The following WARS1 variants were observed in gnomAD, a reference collection of about 807,000 sequenced individuals.
The protein encoded by WARS1 is tryptophanyl-tRNA synthetase 1, also known as tryptophan--tRNA ligase, cytoplasmic.
A neutral mutation model predicts 47.8 loss-of-function variants in WARS1; 17 were observed. The observed-to-expected ratio is 0.36, with a 90% CI of 0.24 to 0.53. The LOEUF (loss-of-function observed/expected upper bound fraction) is 0.53, where lower values mean the gene tolerates loss of function less well. Among genes scored for constraint, WARS1 ranks in the 20% least tolerant of loss-of-function variants. The probability of loss-of-function intolerance (pLI) is 0.91; values close to 1 mark genes in which losing one functional copy is unlikely to be tolerated. For missense variants in WARS1, 434 were observed against 608.0 expected (o/e 0.71, Z 3.01); for synonymous variants, 208 against 228.1 (o/e 0.91, Z 0.79).
Position 100,345,545 on chromosome 14 carries a change from G to A in WARS1, c.826+1201C>T, listed in dbSNP as rs1894545434. Among the ~76,000 whole-genome samples, 3 of 151,708 alleles carry A rather than the reference G, an allele frequency of 2.0e-5. No individual in the cohort carries two copies. The South Asian group carries it at 6.2e-4, about 32-fold the overall frequency. ...ACTGCGGAAGGCCGCAGGGTCCTCT[G>A]CCTAGGAAAACCAGAGACCTTTGTT... On this transcript the variant is annotated intron_variant, in intron 7 of 10. Coordinates refer to ENST00000392882, the MANE Select transcript of WARS1 (RefSeq NM_004184.4).
At chr14:100,359,521 C>T (rs1319742165) in intron 4 of WARS1, among the ~76,000 whole-genome samples, 1 of 152,118 alleles carries the variant, frequency 6.6e-6, no homozygotes, top group Admixed American at 6.5e-5. Flanking sequence ...TGGGGGATGA[C>T]TGTTAACCCA....
chr14:100,357,468 T>C (rs1566855977), intron 4 of WARS1, among the ~76,000 whole-genome samples: 3 of 152,268 alleles, frequency 2.0e-5, no homozygotes, highest in Admixed American at 6.5e-5. Context: ...AATTGTATTT[T>C]TTTTTTTTTT....
intron 4 of WARS1, among the ~76,000 whole-genome samples, chr14:100,356,342 C>T (rs1895309115): frequency 7.2e-6 from 1 of 139,252 alleles, no homozygotes; most frequent in African/African-American, 2.6e-5. Flanking sequence ...ATGCTGACTA[C>T]AAACCAACAA....
intron 10 of WARS1, among the ~76,000 whole-genome samples, chr14:100,335,557 T>C (rs1893664150): frequency 6.6e-6 from 1 of 152,020 alleles, no homozygotes; most frequent in African/African-American, 2.4e-5. Context: ...TTTGTATTTT[T>C]AGTAGAGATG....
At chr14:100,361,952 A>G (rs1404457927) in intron 2 of WARS1, 31 bp from the exon 3 acceptor site, 1 of 1,607,670 alleles carries the variant, frequency 6.2e-7, no homozygotes, top group South Asian at 1.1e-5. Context: ...GATGGCTAAA[A>G]GTATTACTAA....
chr14:100,363,830 T>G (rs1277235914), intron 2 of WARS1, among the ~76,000 whole-genome samples: 1 of 152,186 alleles, frequency 6.6e-6, no homozygotes, highest in African/African-American at 2.4e-5. Flanking sequence ...TCTCACTATA[T>G]TATCCAGGCT....
At chr14:100,338,047 G>C (rs759368783) in intron 9 of WARS1, among the ~76,000 whole-genome samples, 1 of 152,116 alleles carries the variant, frequency 6.6e-6, no homozygotes, top group Non-Finnish European at 1.5e-5. Context: ...AAGGCAGTAA[G>C]GGAAGGCAAA....
chr14:100,364,361 G>A (rs1465951435), intron 2 of WARS1, among the ~76,000 whole-genome samples: 1 of 152,082 alleles, frequency 6.6e-6, no homozygotes, highest in Non-Finnish European at 1.5e-5. Flanking sequence ...TGAAGGATGT[G>A]GATCTTATTC....
chr14:100,361,836 C>G lies in WARS1; in HGVS notation c.185G>C (p.Cys62Ser). ...AAAGEDYKAD[C>S]PPGNPAPTSN... ...GGTAGGTGCTGGGTTCCCTGGAGGA[C>G]AGTCAGCCTTGTAATCCTCCCCCGC... The change falls in exon 3 of 11, where the codon TGT (cysteine) becomes TCT (serine). Residue 62 changes from cysteine to serine, a missense_variant. This residue lies in a region of WARS1 where 87 missense variants were observed against 84.2 expected (regional missense o/e 1.03). Transcript: ENST00000392882. 1 of 1,614,184 alleles carries G rather than the reference C, an allele frequency of 6.2e-7. No individual in the cohort carries two copies. Among genetic ancestry groups the G allele is most frequent in the Non-Finnish European group, 8.5e-7 (1 of 1,180,034 alleles).
chr14:100,376,290 G>C (rs1343397644), upstream of WARS1: 1 of 957,002 alleles, frequency 1.0e-6, no homozygotes, highest in Non-Finnish European at 1.4e-6. Flanking sequence ...AGCGCTCCCG[G>C]CTCAGCAACC....
At chr14:100,364,010 G>C (rs535056235) in intron 2 of WARS1, among the ~76,000 whole-genome samples, 27 of 152,286 alleles carry the variant, frequency 1.8e-4, no homozygotes, top group African/African-American at 6.3e-4. Context: ...CCTGGTGGGA[G>C]GAGTCATGGC....
intron 7 of WARS1, among the ~76,000 whole-genome samples, chr14:100,344,069 T>A (rs1595415589): frequency 6.6e-6 from 1 of 152,106 alleles, no homozygotes; most frequent in East Asian, 1.9e-4. Flanking sequence ...GCTTCCCTCT[T>A]CCCTCTTCCC....
intron 9 of WARS1, 76 bp from the exon 10 acceptor site, chr14:100,337,278 T>C (rs78582306): frequency 6.4e-7 from 1 of 1,574,692 alleles, no homozygotes; most frequent in African/African-American, 1.3e-5. Flanking sequence ...GAAGCCCAAG[T>C]GTGGAAGTCA....
intron 6 of WARS1, among the ~76,000 whole-genome samples, chr14:100,351,229 G>A (rs557442298): frequency 1.3e-5 from 2 of 152,310 alleles, no homozygotes; most frequent in Non-Finnish European, 2.9e-5. Context: ...AGCAGCTACT[G>A]GGCAATGCCA....
In WARS1 at chr14:100,346,372, G is replaced by A. The variant is rs1595423195; in HGVS notation, c.826+374C>T. Among the ~76,000 whole-genome samples the A allele has an allele frequency of 2.0e-5, 3 of 152,182 alleles. No individual in the cohort carries two copies. In the South Asian group the frequency reaches 6.2e-4, roughly 31 times the overall value. On this transcript the variant is annotated intron_variant, in intron 7 of 10. Transcript: ENST00000392882. ...CCTCTCATGGGCAGCAGACCCAGCT[G>A]TCCTTCTTCATCACCCCTGGGTTCC... is the stretch of plus-strand genomic sequence containing the variant.
intron 9 of WARS1, among the ~76,000 whole-genome samples, chr14:100,341,357 C>T (rs1214982322): frequency 1.1e-4 from 16 of 152,198 alleles, no homozygotes. Context: ...TTCAATTATA[C>T]CAGCTTCCAA....
chr14:100,371,725 ACT>A (rs1162734486), intron 1 of WARS1, among the ~76,000 whole-genome samples: 5 of 151,862 alleles, frequency 3.3e-5, no homozygotes, highest in Admixed American at 2.0e-4. Context: ...ACAGAGAGAG[ACT>A]CTGTCTCAAA....
chr14:100,370,285 A>G (rs145048102), intron 1 of WARS1: 1 of 152,302 alleles, frequency 6.6e-6, no homozygotes, highest in East Asian at 1.9e-4. Flanking sequence ...TCGCCATCAA[A>G]CCTTTCTTGG....
At chr14:100,356,382 G>GGT (rs33939310) in intron 4 of WARS1, among the ~76,000 whole-genome samples, 2 of 114,972 alleles carry the variant, frequency 1.7e-5, no homozygotes, top group South Asian at 3.8e-4. Context: ...AAAGTGACTG[G>GGT]GTGTGTGTGT....
Sources: gnomAD v4.1 joint callset for allele counts (sites outside exome capture counted in the v4.1 genomes callset) on GRCh38, gnomAD v4.1.1 for gene constraint, gnomAD v4.1.1 regional missense constraint, MANE v1.5 for transcripts, NCBI Gene and HGNC (gene_info 2026-07-23, HGNC 2026-07-21) for gene names.